Variants in KHDRBS2 observed in about 807,000 individuals in gnomAD.
The protein encoded by KHDRBS2 is KH RNA binding domain containing, signal transduction associated 2, also known as KH domain-containing, RNA-binding, signal transduction-associated protein 2.
KHDRBS2 carries 26 observed loss-of-function variants against 44.3 expected under a neutral mutation model. That is an observed-to-expected ratio of 0.59 (90% CI 0.43 to 0.81). The LOEUF is 0.81. Ranked by LOEUF, KHDRBS2 falls within the 40% of genes least tolerant of loss-of-function variation. The pLI is 0.00. For synonymous variants in KHDRBS2, 194 were observed against 151.1 expected (o/e 1.28, Z -2.08); for missense variants, 476 against 433.1 (o/e 1.10, Z -0.88).
intron 6 of KHDRBS2, among the ~76,000 whole-genome samples, chr6:61,831,134 T>C (rs1791730972): frequency 6.6e-6 from 1 of 152,152 alleles, no homozygotes. Flanking sequence ...TTGGTAAATC[T>C]TTGTGATTAG....
At chr6:61,774,088 G>T (rs1163043358) in intron 6 of KHDRBS2, among the ~76,000 whole-genome samples, 1 of 152,140 alleles carries the variant, frequency 6.6e-6, no homozygotes, top group Non-Finnish European at 1.5e-5. Context: ...GATGCCTCCA[G>T]CTTTGTTCTT....
At chr6:61,848,503 ATATATATGTATATATG>A (rs1172313707) in intron 6 of KHDRBS2, among the ~76,000 whole-genome samples, 4 of 59,086 alleles carry the variant, frequency 6.8e-5, no homozygotes, top group African/African-American at 1.9e-4. Flanking sequence ...ATATATATAT[ATATATATGTATATATG>A]TATATATATA....
At chr6:61,777,960 C>A (rs1169736864) in intron 6 of KHDRBS2, among the ~76,000 whole-genome samples, 2 of 151,940 alleles carry the variant, frequency 1.3e-5, no homozygotes, top group Admixed American at 6.6e-5. Flanking sequence ...AGGTATTAAG[C>A]CTAGTACCCA....
intron 4 of KHDRBS2, among the ~76,000 whole-genome samples, chr6:61,933,249 A>G (rs1810421122): frequency 6.6e-6 from 1 of 152,140 alleles, no homozygotes; most frequent in Non-Finnish European, 1.5e-5. Context: ...CTGTCAGGAG[A>G]ACAGTCAGGG....
At chr6:61,829,270 T>A (rs1791413505) in intron 6 of KHDRBS2, among the ~76,000 whole-genome samples, 1 of 152,176 alleles carries the variant, frequency 6.6e-6, no homozygotes, top group African/African-American at 2.4e-5. Context: ...AAAGCAATTC[T>A]CCTGCCTCAG....
chr6:61,608,173 C>T, the KHDRBS2 span, among the ~76,000 whole-genome samples: 1 of 152,038 alleles, frequency 6.6e-6, no homozygotes, highest in Non-Finnish European at 1.5e-5. Context: ...GAAGAGAATA[C>T]TGAATTATGA....
intron 6 of KHDRBS2, among the ~76,000 whole-genome samples, chr6:61,756,501 C>A (rs1351521197): frequency 6.6e-6 from 1 of 152,148 alleles, no homozygotes; most frequent in African/African-American, 2.4e-5. Flanking sequence ...CTCAAGTGAT[C>A]CGCCAGCCTT....
intron 3 of KHDRBS2, among the ~76,000 whole-genome samples, chr6:62,033,055 GA>G (rs1255265530): frequency 6.6e-6 from 1 of 151,948 alleles, no homozygotes; most frequent in South Asian, 2.1e-4. Flanking sequence ...TTCTGGAGTT[GA>G]AAAATGTAAC....
chr6:62,065,970 A>G (rs10484620), intron 2 of KHDRBS2, among the ~76,000 whole-genome samples: 11,859 of 151,628 alleles, frequency 0.078, 503 homozygotes, highest in African/African-American at 0.097. Flanking sequence ...TTTTTCTTTC[A>G]TAGAGACATC....
intron 2 of KHDRBS2, among the ~76,000 whole-genome samples, chr6:62,158,871 C>A (rs1817018839): frequency 6.6e-6 from 1 of 151,886 alleles, no homozygotes; most frequent in Admixed American, 6.6e-5. Flanking sequence ...AATCTGACTT[C>A]AAGCTTCTAT....
intron 6 of KHDRBS2, among the ~76,000 whole-genome samples, chr6:61,821,587 C>T (rs777546400): frequency 5.9e-5 from 9 of 151,954 alleles, no homozygotes; most frequent in Non-Finnish European, 1.3e-4. Flanking sequence ...TGTTGGCAAG[C>T]AGACTCTTTC....
intron 7 of KHDRBS2, among the ~76,000 whole-genome samples, chr6:61,700,655 T>A (rs78849167): frequency 3.5e-4 from 53 of 151,676 alleles, no homozygotes; most frequent in Admixed American, 1.3e-3. Flanking sequence ...ACACATGGGA[T>A]GTGTGCAGAG....
intron 2 of KHDRBS2, among the ~76,000 whole-genome samples, chr6:62,080,807 A>T (rs528780863): frequency 6.6e-6 from 1 of 152,024 alleles, no homozygotes; most frequent in African/African-American, 2.4e-5. Flanking sequence ...GGAGAGTAGG[A>T]TAGAGTAACT....
intron 6 of KHDRBS2, among the ~76,000 whole-genome samples, chr6:61,775,409 A>T (rs1781784826): frequency 6.6e-6 from 1 of 152,110 alleles, no homozygotes; most frequent in East Asian, 1.9e-4. Context: ...CTCAGCCCAA[A>T]ATCTCCTCAA....
At chr6:62,095,294 A>G (rs1800342473) in intron 2 of KHDRBS2, among the ~76,000 whole-genome samples, 1 of 151,906 alleles carries the variant, frequency 6.6e-6, no homozygotes, top group African/African-American at 2.4e-5. Flanking sequence ...TGAAAGATAT[A>G]TAATGAAATT....
intron 8 of KHDRBS2, among the ~76,000 whole-genome samples, chr6:61,694,783 C>T (rs1270536225): frequency 6.6e-6 from 1 of 152,090 alleles, no homozygotes; most frequent in African/African-American, 2.4e-5. Context: ...ATATAAGGAA[C>T]AAAATTATAG....
At chr6:61,893,549 C>A (rs1214533388) in intron 6 of KHDRBS2, among the ~76,000 whole-genome samples, 1 of 152,170 alleles carries the variant, frequency 6.6e-6, no homozygotes. Flanking sequence ...CACATATACA[C>A]CATGGAATAC....
At chr6:61,580,539 T>G in the KHDRBS2 span, among the ~76,000 whole-genome samples, 1 of 152,156 alleles carries the variant, frequency 6.6e-6, no homozygotes, top group African/African-American at 2.4e-5. Context: ...GGTCTGCTGC[T>G]CACTCTGGGT....
the KHDRBS2 span, among the ~76,000 whole-genome samples, chr6:61,655,904 G>A: frequency 3.7e-4 from 56 of 152,012 alleles, no homozygotes; most frequent in Non-Finnish European, 6.6e-4. Context: ...AGTGACCAGA[G>A]GTATTTTGAT....
Sources: gnomAD v4.1 joint callset for allele counts (sites outside exome capture counted in the v4.1 genomes callset) on GRCh38, gnomAD v4.1.1 for gene constraint, MANE v1.5 for transcripts, NCBI Gene and HGNC (gene_info 2026-07-23, HGNC 2026-07-21) for gene names.